Variants in FAM13A observed in about 807,000 individuals in gnomAD.
FAM13A encodes the protein protein FAM13A.
In FAM13A, 76 loss-of-function variants were observed where a neutral mutation model predicts 129.6. That is an observed-to-expected ratio of 0.59 (90% CI 0.49 to 0.71). The LOEUF (loss-of-function observed/expected upper bound fraction) is 0.71, where lower values mean the gene tolerates loss of function less well. Ranked by LOEUF, FAM13A falls within the 30% of genes least tolerant of loss-of-function variation. The pLI is 0.00. For missense variants in FAM13A, 1,108 were observed against 1,249.3 expected (o/e 0.89, Z 1.70); for synonymous variants, 443 against 449.9 (o/e 0.98, Z 0.20).
At chr4:88,771,058 T>G (rs1720575561) in intron 11 of FAM13A, among the ~76,000 whole-genome samples, 1 of 152,116 alleles carries the variant, frequency 6.6e-6, no homozygotes, top group Non-Finnish European at 1.5e-5. Context: ...TAAAACAGCA[T>G]GCAGGTACAC....
intron 11 of FAM13A, among the ~76,000 whole-genome samples, chr4:88,770,139 G>A (rs1439331604): frequency 6.6e-6 from 1 of 152,126 alleles, no homozygotes; most frequent in East Asian, 1.9e-4. Flanking sequence ...ATTTTAGAAT[G>A]GATCTGAGAA....
At chr4:88,766,119 A>G (rs1745668719) in intron 13 of FAM13A, among the ~76,000 whole-genome samples, 1 of 152,254 alleles carries the variant, frequency 6.6e-6, no homozygotes, top group Non-Finnish European at 1.5e-5. Flanking sequence ...CTCACAAAAG[A>G]AAACAGGCAT....
chr4:88,758,180 A>G (rs1339740062), intron 14 of FAM13A, among the ~76,000 whole-genome samples: 1 of 152,226 alleles, frequency 6.6e-6, no homozygotes, highest in East Asian at 1.9e-4. Context: ...TCTCTAGGAA[A>G]AAAAACCAAT....
At chr4:88,889,797 A>G (rs1337972639) in intron 6 of FAM13A, among the ~76,000 whole-genome samples, 1 of 152,202 alleles carries the variant, frequency 6.6e-6, no homozygotes, top group African/African-American at 2.4e-5. Flanking sequence ...ATCACTGCTT[A>G]GGGTCTTGCT....
intron 4 of FAM13A, among the ~76,000 whole-genome samples, chr4:88,979,647 A>G (rs575796891): frequency 2.0e-5 from 3 of 152,310 alleles, no homozygotes; most frequent in African/African-American, 7.2e-5. Context: ...TAAGAACTCA[A>G]TAAATATTGC....
chr4:88,859,478 G>A (rs1327855698), intron 6 of FAM13A, among the ~76,000 whole-genome samples: 1 of 152,168 alleles, frequency 6.6e-6, no homozygotes, highest in Admixed American at 6.5e-5. Flanking sequence ...GAGTGTGGGA[G>A]CAGGTGGATG....
chr4:89,056,718 T>G (rs1325005543), intron 1 of FAM13A, among the ~76,000 whole-genome samples: 1 of 152,206 alleles, frequency 6.6e-6, no homozygotes, highest in African/African-American at 2.4e-5. Flanking sequence ...GCATGCATCT[T>G]TCACCTTTTT....
At chr4:88,734,351 G>C (rs1738521872) in intron 21 of FAM13A, among the ~76,000 whole-genome samples, 1 of 152,174 alleles carries the variant, frequency 6.6e-6, no homozygotes, top group African/African-American at 2.4e-5. Flanking sequence ...CAGTATCTGA[G>C]TCACTTGGAC....
At chr4:88,851,847 CCCTCTAG>C (rs1406438267) in intron 6 of FAM13A, among the ~76,000 whole-genome samples, 1 of 152,096 alleles carries the variant, frequency 6.6e-6, no homozygotes, top group East Asian at 1.9e-4. Context: ...AAGTTATGTT[CCCTCTAG>C]CCACCAAAAT....
chr4:88,842,168 A>G (rs1735948232), intron 7 of FAM13A, among the ~76,000 whole-genome samples: 1 of 152,256 alleles, frequency 6.6e-6, no homozygotes, highest in Non-Finnish European at 1.5e-5. Context: ...AAGAACACAT[A>G]CTATGTGATT....
chr4:88,783,771 T>C (rs868342814), intron 10 of FAM13A, among the ~76,000 whole-genome samples: 1 of 152,024 alleles, frequency 6.6e-6, no homozygotes, highest in Non-Finnish European at 1.5e-5. Context: ...ATAGGACTAA[T>C]GTCATTGTAA....
Position 88,790,597 on chromosome 4 carries a change from A to G in FAM13A, c.1080T>C (p.Ser360=). 1.2e-6 allele frequency: 2 copies of G among 1,611,582 alleles called. No individual in the cohort carries two copies. Among genetic ancestry groups the G allele is most frequent in the Non-Finnish European group, 1.7e-6 (2 of 1,178,720 alleles). ...CCCAAATAACTTACTCTCCGGTTGC[A>G]GACACATTGCTGACTTGGGGTACAT... ...SAHVPQVSNV[S]ATGELLERTI... The change falls in exon 9 of 24, where the codon TCT becomes TCC. Residue 360 remains serine, a synonymous_variant. Coordinates refer to ENST00000264344, the MANE Select transcript of FAM13A (RefSeq NM_014883.4).
chr4:88,849,734 C>T (rs1737235837), intron 7 of FAM13A, among the ~76,000 whole-genome samples: 1 of 152,154 alleles, frequency 6.6e-6, no homozygotes, highest in Admixed American at 6.5e-5. Flanking sequence ...CATTGCTCTG[C>T]ATCTCCAGTC....
intron 19 of FAM13A, among the ~76,000 whole-genome samples, chr4:88,741,216 T>TA (rs1023129964): frequency 6.6e-6 from 1 of 152,212 alleles, no homozygotes; most frequent in Non-Finnish European, 1.5e-5. Context: ...AGCAGCACTA[T>TA]AATCCCAAAC....
rs149607306 is a variant in FAM13A, at chr4:88,853,150, G to A, written c.844-1967C>T. On this transcript the variant is annotated intron_variant, in intron 6 of 23. Transcript: ENST00000264344. ...AAGCTCATAAAATCAGGAAAGCAAG[G>A]AAAAAATTTTTAAATATTATAAACG... Among the ~76,000 whole-genome samples, 921 of 152,102 alleles carry A rather than the reference G, an allele frequency of 6.1e-3. 14 individuals carry two copies. The highest frequency in any genetic ancestry group is 0.021 in the African/African-American group (866 of 41,506).
chr4:89,052,387 T>C (rs1795723), intron 1 of FAM13A, among the ~76,000 whole-genome samples: 88,945 of 148,650 alleles, frequency 0.6, 27,322 homozygotes, highest in Middle Eastern at 0.69. Flanking sequence ...TATACATGTG[T>C]CATGCTGGTG....
At chr4:88,787,955 C>A in intron 9 of FAM13A, 23 bp from the exon 10 acceptor site, 1 of 1,599,748 alleles carries the variant, frequency 6.3e-7, no homozygotes, top group South Asian at 1.1e-5. Context: ...AATGCAGAGT[C>A]ATTCAAGCAG....
rs1736396703 is a variant in FAM13A, at chr4:88,726,049, AAC to A, written c.*2482_*2483del. On this transcript the variant is annotated 3_prime_UTR_variant, in exon 24 of 24. Transcript: ENST00000264344. ...TTTTGTTGGCATGTGCTAATTAATA[AAC>A]ACATATTCCCAACACAGCAAAGGAA... 1 of 152,226 alleles carries A rather than the reference AAC, an allele frequency of 6.6e-6. No homozygotes were observed. The highest frequency in any genetic ancestry group is 2.4e-5 in the African/African-American group (1 of 41,462). The allele number at this position is 152,226 out of a possible 1,614,324, so 9.4% of individuals were successfully genotyped here.
chr4:88,851,146 T>A lies in FAM13A; in HGVS notation c.881A>T (p.His294Leu). The A allele has an allele frequency of 6.2e-7, 1 of 1,611,522 alleles. No individual in the cohort carries two copies. The change falls in exon 7 of 24, where the codon CAC becomes CTC. Residue 294 changes from histidine to leucine, a missense_variant. His to Leu is a moderately conservative substitution (Grantham distance 99, BLOSUM62 -3). Coordinates refer to ENST00000264344, the MANE Select transcript of FAM13A (RefSeq NM_014883.4). ...KSRSEGSIQA[H>L]RVLQPELSDG... is the part of the protein sequence containing the mutation. ...AGATAGCTCTGGTTGCAGTACTCTGTGGGCCTGAATAGATCCCTCACTCCT... is the reference window on the plus strand; with the variant it reads ...AGATAGCTCTGGTTGCAGTACTCTGAGGGCCTGAATAGATCCCTCACTCCT...
Sources: allele counts gnomAD v4.1 joint callset (sites outside exome capture counted in the v4.1 genomes callset), GRCh38; gene constraint gnomAD v4.1.1; transcripts MANE v1.5; gene names NCBI Gene and HGNC (gene_info 2026-07-23, HGNC 2026-07-21).